Variants in KDM4B observed in about 807,000 individuals in gnomAD.
KDM4B encodes the protein lysine demethylase 4B.
KDM4B carries 32 observed loss-of-function variants against 125.2 expected under a neutral mutation model. The observed-to-expected ratio is 0.26, with a 90% CI of 0.19 to 0.34. The LOEUF (loss-of-function observed/expected upper bound fraction) is 0.34. Among genes scored for constraint, KDM4B ranks in the 10% least tolerant of loss-of-function variants. The pLI is 1.00. For missense variants in KDM4B, 1,190 were observed against 1,577.7 expected (o/e 0.75, Z 4.16); for synonymous variants, 721 against 677.9 (o/e 1.06, Z -0.99).
chr19:5,090,921 C>T (rs1053348496), intron 9 of KDM4B, among the ~76,000 whole-genome samples: 5 of 151,962 alleles, frequency 3.3e-5, no homozygotes, highest in East Asian at 2.0e-4. Flanking sequence ...GTGCACAGCC[C>T]GGTGGGGGCA....
rs572601883 is a variant in KDM4B, at chr19:5,111,906, A to T, written c.1115+1088A>T. 2.2e-5 allele frequency: 16 copies of T among 736,786 alleles called. No individual in the cohort carries two copies. The African/African-American group carries it at 2.6e-4, about 12-fold the overall frequency. The allele number at this position is 736,786 out of a possible 1,614,324, so 45.6% of individuals were successfully genotyped here. A position where few individuals can be genotyped will look rare whatever the true frequency, so the allele number is the denominator to read the frequency against. On this transcript the variant is annotated intron_variant, in intron 10 of 22. Transcript: ENST00000159111. ...TTACAGACCCTGAAATCCAGATCTCATGATTTTTACATGCTACCAAATACG... is the reference window on the plus strand; with the variant it reads ...TTACAGACCCTGAAATCCAGATCTCTTGATTTTTACATGCTACCAAATACG...
At chr19:5,077,572 G>T (rs2291148) in intron 8 of KDM4B, 102 bp downstream of exon 8, 1 of 964,316 alleles carries the variant, frequency 1.0e-6, no homozygotes, top group Non-Finnish European at 1.6e-6. Flanking sequence ...TAACCCTGGA[G>T]AAGTTTCTAG....
intron 17 of KDM4B, 127 bp from the exon 18 acceptor site, chr19:5,137,835 G>C (rs2613786): frequency 7.0e-5 from 72 of 1,021,440 alleles, no homozygotes; most frequent in Non-Finnish European, 9.2e-5. Flanking sequence ...AGGAGCATAC[G>C]CCTGCACCGA....
chr19:5,117,703 C>T (rs1352850503), intron 10 of KDM4B, among the ~76,000 whole-genome samples: 3 of 152,194 alleles, frequency 2.0e-5, no homozygotes, highest in East Asian at 1.9e-4. Flanking sequence ...GGGCCACTCC[C>T]GTGTCCCCCA....
chr19:5,131,199 G>A lies in KDM4B; in HGVS notation c.1439G>A (p.Trp480Ter). ...PAHFPSEEAL[W>*]LPSPLEPPVL... ...CACTTCCCCTCAGAGGAGGCGCTGTGGCTGCCATCCCCACTGGAGCCCCCG... is the reference window on the plus strand; with the variant it reads ...CACTTCCCCTCAGAGGAGGCGCTGTAGCTGCCATCCCCACTGGAGCCCCCG... Residue 480 changes from tryptophan (W) to a stop codon, truncating the protein, a stop_gained, in exon 12 of 23, where the codon TGG becomes TAG. Transcript: ENST00000159111. LOFTEE classifies it high-confidence loss of function. 1 of 1,604,636 alleles carries A rather than the reference G, an allele frequency of 6.2e-7. No homozygotes were observed. The highest frequency in any genetic ancestry group is 8.5e-7 in the Non-Finnish European group (1 of 1,176,144).
chr19:5,100,419 T>G (rs2038908387), intron 9 of KDM4B, among the ~76,000 whole-genome samples: 2 of 152,198 alleles, frequency 1.3e-5, no homozygotes, highest in African/African-American at 4.8e-5. Context: ...TTGTTGTTGT[T>G]GTTGTTGTTG....
At chr19:5,070,781 G>C in intron 6 of KDM4B, 1 of 480,760 alleles carries the variant, frequency 2.1e-6, no homozygotes, top group Non-Finnish European at 3.7e-6. Context: ...AAGCCACCGA[G>C]CCATGGTCCT....
At chr19:5,113,759 C>T in intron 10 of KDM4B, 1 of 358,612 alleles carries the variant, frequency 2.8e-6, no homozygotes, top group Non-Finnish European at 3.9e-6. Flanking sequence ...TCGCCCAGTC[C>T]CCCGCGTGGG....
intron 3 of KDM4B, among the ~76,000 whole-genome samples, chr19:5,034,026 C>G (rs142392684): frequency 9.2e-5 from 14 of 152,082 alleles, no homozygotes; most frequent in Non-Finnish European, 2.9e-5. Context: ...CCCAGCTACT[C>G]GGGAGGCTGA....
In KDM4B at chr19:5,081,347, T is replaced by C. The variant is rs1445264212; in HGVS notation, c.781-1020T>C. Among the ~76,000 whole-genome samples the C allele has an allele frequency of 6.6e-6, 1 of 152,126 alleles. No homozygotes were observed. The highest frequency in any genetic ancestry group is 1.9e-4 in the East Asian group (1 of 5,186). Reference sequence around the variant, plus strand: ...CTGGATGGTCGTCTTTCAAAGGCTTTATCAACGGGCTTAGCAGTGAGCAGG... The same window carrying C: ...CTGGATGGTCGTCTTTCAAAGGCTTCATCAACGGGCTTAGCAGTGAGCAGG... On this transcript the variant is annotated intron_variant, in intron 8 of 22. Coordinates refer to ENST00000159111, the MANE Select transcript of KDM4B (RefSeq NM_015015.3). This position sits in a 1 kb window ranked among gnomAD's most constrained non-coding sequence, Gnocchi z 4.2.
chr19:5,059,402 GGCTCGGGCC>G (rs1417926130), intron 6 of KDM4B, among the ~76,000 whole-genome samples: 16 of 152,212 alleles, frequency 1.1e-4, no homozygotes, highest in African/African-American at 3.4e-4. Flanking sequence ...TCCCGCCGAG[GGCTCGGGCC>G]GCTTGTTCTC....
intron 21 of KDM4B, among the ~76,000 whole-genome samples, chr19:5,148,647 C>T (rs557496198): frequency 3.3e-5 from 5 of 152,110 alleles, no homozygotes; most frequent in Admixed American, 6.5e-5. Flanking sequence ...CGCTGCTGCC[C>T]GTGGCAAAGC....
Position 5,082,501 on chromosome 19 carries a change from T to A in KDM4B, c.915T>A (p.Thr305=). ...GGATTGACTACGGCAAAGTGGCCAC[T>A]CAGGTAAAAGCTTGCCTGCTGGGAA... The part of the protein sequence containing the change: ...LRWIDYGKVA[T]QCTCRKDMVK... The change falls in exon 9 of 23, where the codon ACT becomes ACA. Residue 305 remains threonine (T), a synonymous_variant. Coordinates refer to ENST00000159111, the MANE Select transcript of KDM4B (RefSeq NM_015015.3). The surrounding 1 kb of genome is among the most constrained non-coding windows in gnomAD (Gnocchi z 5.4). The A allele has an allele frequency of 6.3e-7, 1 of 1,598,190 alleles. No individual in the cohort carries two copies. The highest frequency in any genetic ancestry group is 8.5e-7 in the Non-Finnish European group (1 of 1,171,930).
intron 1 of KDM4B, among the ~76,000 whole-genome samples, chr19:4,999,386 T>C (rs1160273721): frequency 6.6e-6 from 1 of 152,106 alleles, no homozygotes; most frequent in Non-Finnish European, 1.5e-5. Context: ...GGCACTGGGA[T>C]GCTCCCAGCT....
At chr19:5,068,061 A>G (rs2037830361) in intron 6 of KDM4B, among the ~76,000 whole-genome samples, 2 of 151,556 alleles carry the variant, frequency 1.3e-5, no homozygotes. Context: ...TTTAGTGAAC[A>G]AACATTTCCA....
chr19:5,048,564 G>A (rs1476144533), intron 6 of KDM4B, among the ~76,000 whole-genome samples: 1 of 150,906 alleles, frequency 6.6e-6, no homozygotes, highest in South Asian at 2.1e-4. Context: ...GCTCCGCCTT[G>A]CCTGGCCCTT....
chr19:5,056,053 G>C (rs1391207479), intron 6 of KDM4B, among the ~76,000 whole-genome samples: 1 of 152,174 alleles, frequency 6.6e-6, no homozygotes, highest in Non-Finnish European at 1.5e-5. Context: ...TAGGGCCCTG[G>C]GCTATTACGG....
In KDM4B at chr19:5,142,958, C is replaced by T. The variant is rs867787651; in HGVS notation, c.2551-1009C>T. On this transcript the variant is annotated intron_variant, in intron 18 of 22. Coordinates refer to ENST00000159111, the MANE Select transcript of KDM4B (RefSeq NM_015015.3). The surrounding 1 kb of genome is among the most constrained non-coding windows in gnomAD (Gnocchi z 5.4). ...GCTCGGGCAGGTGTTGCAGCGGGAG[C>T]CTCAAGGGATGAAAGGTGGCTCTCC... Among the ~76,000 whole-genome samples, 57 of 152,056 alleles carry T rather than the reference C, an allele frequency of 3.7e-4. No individual in the cohort carries two copies. Among genetic ancestry groups the T allele is most frequent in the Middle Eastern group, 3.4e-3 (1 of 294 alleles).
At chr19:5,102,787 G>A (rs1422130939) in intron 9 of KDM4B, among the ~76,000 whole-genome samples, 3 of 152,156 alleles carry the variant, frequency 2.0e-5, no homozygotes, top group African/African-American at 4.8e-5. Context: ...TGTGGATGCC[G>A]CCCCTGACGT....
Sources: gnomAD v4.1 joint callset for allele counts (sites outside exome capture counted in the v4.1 genomes callset) on GRCh38, gnomAD v4.1.1 for gene constraint, Gnocchi (gnomAD v3.1) non-coding constraint, MANE v1.5 for transcripts, NCBI Gene and HGNC (gene_info 2026-07-23, HGNC 2026-07-21) for gene names.